The following BICC1 variants were observed in gnomAD, a reference collection of about 807,000 sequenced individuals.
BICC1 encodes protein bicaudal C homolog 1.
BICC1 carries 43 observed loss-of-function variants against 111.0 expected under a neutral mutation model. That is an observed-to-expected ratio of 0.39 (90% CI 0.30 to 0.50). The LOEUF (loss-of-function observed/expected upper bound fraction) is 0.50. Among genes scored for constraint, BICC1 ranks in the 20% least tolerant of loss-of-function variants. The pLI is 0.88. For missense variants in BICC1, 1,091 were observed against 1,203.2 expected (o/e 0.91, Z 1.38); for synonymous variants, 467 against 434.4 (o/e 1.07, Z -0.93).
Position 58,789,332 on chromosome 10 carries a change from A to G in BICC1, c.671A>G (p.Asn224Ser). 1 of 1,613,966 alleles carries G rather than the reference A, an allele frequency of 6.2e-7. No homozygotes were observed. Residue 224 changes from asparagine (N) to serine (S), a missense_variant, in exon 7 of 21, where the codon AAT becomes AGT. Asn to Ser is a conservative substitution (Grantham distance 46). Around this residue, in one of 3 missense-constraint regions of BICC1, gnomAD observed 843 missense variants for 900.8 expected, o/e 0.94. Transcript: ENST00000373886. ...AGILQPVPDP[N>S]SPSIQHISQT... Reference sequence around the variant, plus strand: ...ATTCTTCAACCGGTTCCTGATCCTAATTCCCCCTCTATTCAGCATATATCA... The same window carrying G: ...ATTCTTCAACCGGTTCCTGATCCTAGTTCCCCCTCTATTCAGCATATATCA...
chr10:58,561,492 A>T (rs971825278), intron 1 of BICC1, among the ~76,000 whole-genome samples: 3 of 151,828 alleles, frequency 2.0e-5, no homozygotes, highest in Non-Finnish European at 4.4e-5. Flanking sequence ...TTCTTTTTTT[A>T]AAAAAATCTA....
intron 1 of BICC1, among the ~76,000 whole-genome samples, chr10:58,604,618 G>A (rs1287265849): frequency 1.3e-5 from 2 of 152,152 alleles, no homozygotes; most frequent in Non-Finnish European, 1.5e-5. Context: ...CTGAGATCAC[G>A]CCGCTGCACT....
chr10:58,599,687 C>T (rs964111566), intron 1 of BICC1, among the ~76,000 whole-genome samples: 1 of 152,032 alleles, frequency 6.6e-6, no homozygotes, highest in Non-Finnish European at 1.5e-5. Flanking sequence ...TTTACTTGTC[C>T]TCTTTCTCTC....
rs1840195378 is a variant in BICC1, at chr10:58,700,366, G to A, written c.238-1708G>A. On this transcript the variant is annotated intron_variant, in intron 2 of 20. Transcript: ENST00000373886. ...GCCTGCTGGGCATGTTTTTGGGGTG[G>A]CATCATGGCTGATGCAGAGGGAGTT... is the stretch of plus-strand genomic sequence containing the variant. Among the ~76,000 whole-genome samples, 4 of 152,148 alleles carry A rather than the reference G, an allele frequency of 2.6e-5. No individual in the cohort carries two copies. The South Asian group carries it at 8.3e-4, about 32-fold the overall frequency.
At chr10:58,776,099 T>G (rs1842742328) in intron 3 of BICC1, among the ~76,000 whole-genome samples, 2 of 152,246 alleles carry the variant, frequency 1.3e-5, no homozygotes, top group Admixed American at 1.3e-4. Flanking sequence ...TAATTGTTCC[T>G]TGAATCTCTT....
chr10:58,830,834 T>G lies in BICC1; in HGVS notation c.*1943T>G, dbSNP rs1844532600. 1 of 152,206 alleles carries G rather than the reference T, an allele frequency of 6.6e-6. No individual in the cohort carries two copies. 9.4% of individuals were successfully genotyped at this position (152,206 alleles called of 1,614,324 possible). A position where few individuals can be genotyped will look rare whatever the true frequency, so the allele number is the denominator to read the frequency against. On this transcript the variant is annotated 3_prime_UTR_variant, in exon 21 of 21. Transcript: ENST00000373886. ...GATCATCCATCTTATTTGATTGTAT[T>G]AATGCATCATGCTAAACATGTAGTA... is the stretch of plus-strand genomic sequence containing the variant.
intron 1 of BICC1, among the ~76,000 whole-genome samples, chr10:58,605,374 T>A (rs1484523823): frequency 6.6e-6 from 1 of 152,232 alleles, no homozygotes; most frequent in East Asian, 1.9e-4. Flanking sequence ...TATTGCATTC[T>A]CCCCATTCAT....
rs141490536 is a variant in BICC1, at chr10:58,799,211, G to A, written c.1684G>A (p.Glu562Lys). ...TGTCCATATCAACAGTATGCAGACCGAAGGCAAAAAAATCTCTGCTGCTTT... is the reference window on the plus strand; with the variant it reads ...TGTCCATATCAACAGTATGCAGACCAAAGGCAAAAAAATCTCTGCTGCTTT... ...VDVHINSMQTEGKKISAALNG... is the reference protein window; with the variant it reads ...VDVHINSMQTKGKKISAALNG... Residue 562 changes from glutamate to lysine, a missense_variant, in exon 12 of 21, where the codon GAA becomes AAA. Physicochemically the swap from Glu to Lys is moderately conservative, Grantham distance 56. Coordinates refer to ENST00000373886, the MANE Select transcript of BICC1 (RefSeq NM_001080512.3). 90 of 1,612,032 alleles carry A rather than the reference G, an allele frequency of 5.6e-5. No individual in the cohort carries two copies. In the African/African-American group the frequency reaches 8.7e-4, roughly 16 times the overall value.
At chr10:58,648,675 G>T (rs1189525848) in intron 2 of BICC1, 1 of 984,168 alleles carries the variant, frequency 1.0e-6, no homozygotes, top group African/African-American at 1.7e-5. Context: ...CTAAGGTACA[G>T]AATGCCTCTA....
chr10:58,756,249 T>G (rs1005313896), intron 3 of BICC1, among the ~76,000 whole-genome samples: 1 of 151,102 alleles, frequency 6.6e-6, no homozygotes, highest in African/African-American at 2.4e-5. Context: ...CTGGAAAGGC[T>G]TTTTTTTGCT....
chr10:58,642,648 T>C (rs547709813), intron 2 of BICC1, among the ~76,000 whole-genome samples: 15 of 151,824 alleles, frequency 9.9e-5, no homozygotes, highest in African/African-American at 2.7e-4. Context: ...ACACATATGC[T>C]CCTGACAATA....
chr10:58,774,717 C>G (rs1350010671), intron 3 of BICC1, among the ~76,000 whole-genome samples: 1 of 152,128 alleles, frequency 6.6e-6, no homozygotes, highest in Non-Finnish European at 1.5e-5. Flanking sequence ...TTTATTTCCA[C>G]CAAAAGTATG....
chr10:58,764,629 CTTTT>C (rs11366847), intron 3 of BICC1, among the ~76,000 whole-genome samples: 3 of 117,566 alleles, frequency 2.6e-5, no homozygotes, highest in Non-Finnish European at 3.5e-5. Context: ...TAATTTCCTT[CTTTT>C]TTTTTTTTTT....
rs138889861 is a variant in BICC1, at chr10:58,642,666, TTTATTATTATTATTATTATTA to T, written c.237+21801_237+21821del. ...CATATGCTCCTGACAATATGAACCA[TTTATTATTATTATTATTATTA>T]TTATTATTATTATTATTATTATTAT... is the stretch of plus-strand genomic sequence containing the variant. On this transcript the variant is annotated intron_variant, in intron 2 of 20. Transcript: ENST00000373886. Among the ~76,000 whole-genome samples, 728 of 148,288 alleles carry T rather than the reference TTTATTATTATTATTATTATTA, an allele frequency of 4.9e-3. 3 individuals carry two copies. Among genetic ancestry groups the T allele is most frequent in the African/African-American group, 0.013 (535 of 39,782 alleles).
intron 1 of BICC1, among the ~76,000 whole-genome samples, chr10:58,575,610 A>G (rs1452605023): frequency 6.6e-6 from 1 of 151,906 alleles, no homozygotes; most frequent in Non-Finnish European, 1.5e-5. Context: ...TTGTTAAGAA[A>G]TAGGGTCTCG....
chr10:58,608,278 CT>C (rs1189320073), intron 1 of BICC1, among the ~76,000 whole-genome samples: 4 of 152,168 alleles, frequency 2.6e-5, no homozygotes, highest in Non-Finnish European at 1.5e-5. Context: ...GGGACCTCCC[CT>C]GGTGAAGAAA....
intron 3 of BICC1, among the ~76,000 whole-genome samples, chr10:58,783,657 T>C (rs1842938260): frequency 6.6e-6 from 1 of 152,134 alleles, no homozygotes; most frequent in Admixed American, 6.5e-5. Flanking sequence ...ATTTACTGAC[T>C]CTTTACTGCC....
chr10:58,802,752 G>A (rs1843588918), intron 14 of BICC1, among the ~76,000 whole-genome samples: 1 of 152,056 alleles, frequency 6.6e-6, no homozygotes, highest in African/African-American at 2.4e-5. Context: ...ATCATATGCA[G>A]TATACCATAT....
chr10:58,774,770 CT>C, intron 3 of BICC1, among the ~76,000 whole-genome samples: 1 of 152,112 alleles, frequency 6.6e-6, no homozygotes, highest in East Asian at 1.9e-4. Flanking sequence ...TTTTGAAGAC[CT>C]TTGCCGATTT....
Sources: allele counts gnomAD v4.1 joint callset (sites outside exome capture counted in the v4.1 genomes callset), GRCh38; gene constraint gnomAD v4.1.1; regional missense constraint gnomAD v4.1.1; transcripts MANE v1.5; gene names NCBI Gene and HGNC (gene_info 2026-07-23, HGNC 2026-07-21).